Variants in SEMA6D observed in about 807,000 individuals in gnomAD.
The protein encoded by SEMA6D is semaphorin 6D, also known as semaphorin-6D.
Under a neutral mutation model 106.6 loss-of-function variants are expected in SEMA6D, and 35 were observed. That is an observed-to-expected ratio of 0.33 (90% confidence interval 0.25 to 0.44). The LOEUF (loss-of-function observed/expected upper bound fraction) is 0.44, where lower values mean the gene tolerates loss of function less well. Ranked by LOEUF, SEMA6D falls within the 20% of genes least tolerant of loss-of-function variation. The pLI, the probability that SEMA6D is intolerant of heterozygous loss-of-function variation, is 1.00. For missense variants in SEMA6D, 1,185 were observed against 1,345.9 expected (o/e 0.88, Z 1.87); for synonymous variants, 499 against 487.7 (o/e 1.02, Z -0.31).
intron 1 of SEMA6D, among the ~76,000 whole-genome samples, chr15:47,391,310 T>C (rs2040022112): frequency 6.6e-6 from 1 of 152,190 alleles, no homozygotes; most frequent in Non-Finnish European, 1.5e-5. Flanking sequence ...GAACTCTTTC[T>C]TGGGATGGAA....
chr15:47,436,406 A>G (rs1477415948), intron 2 of SEMA6D, among the ~76,000 whole-genome samples: 1 of 151,602 alleles, frequency 6.6e-6, no homozygotes, highest in Admixed American at 6.6e-5. Context: ...AAAAAAAAAG[A>G]AAAAAGACTT....
chr15:47,734,069 G>T (rs755059591), intron 1 of SEMA6D, among the ~76,000 whole-genome samples: 2 of 152,156 alleles, frequency 1.3e-5, no homozygotes, highest in Non-Finnish European at 2.9e-5. Flanking sequence ...GGGTGGGAAG[G>T]TTTATCATGT....
intron 1 of SEMA6D, among the ~76,000 whole-genome samples, chr15:47,294,326 C>T (rs1016074702): frequency 6.6e-6 from 1 of 151,900 alleles, no homozygotes; most frequent in East Asian, 1.9e-4. Flanking sequence ...CAGGTTCAAG[C>T]GATTCTCCTG....
chr15:47,392,597 C>T (rs2040076022), intron 1 of SEMA6D, among the ~76,000 whole-genome samples: 2 of 152,174 alleles, frequency 1.3e-5, no homozygotes, highest in Admixed American at 6.5e-5. Flanking sequence ...CTCTATCCCC[C>T]AGAACCTCCA....
At chr15:47,191,103 G>A (rs892062838) in intron 1 of SEMA6D, among the ~76,000 whole-genome samples, 8 of 152,066 alleles carry the variant, frequency 5.3e-5, no homozygotes, top group African/African-American at 1.9e-4. Context: ...AGGCCTGGGA[G>A]CTTGAGGCTG....
At position 47,645,103 on chromosome 15, in the gene SEMA6D, C is replaced by T. The variant is rs1456130361; in HGVS notation, c.-55+44207C>T. 2.0e-5 allele frequency among the ~76,000 whole-genome samples: 3 copies of T among 152,242 alleles called. No individual in the cohort carries two copies. In the East Asian group the frequency reaches 5.8e-4, roughly 29 times the overall value. ...GAAAGAGAGCATGTGGGTGCCGGGG[C>T]GTCATCTGAGAGTTGGTTGGGCTCC... On this transcript the variant is annotated intron_variant, in intron 4 of 19. Transcript: ENST00000558014.
rs887988533 is a variant in SEMA6D, at chr15:47,669,851, C to T, written c.-55+68955C>T. 6.6e-5 allele frequency among the ~76,000 whole-genome samples: 10 copies of T among 152,212 alleles called. No homozygotes were observed. In the East Asian group the frequency reaches 7.7e-4, roughly 12 times the overall value. The stretch of plus-strand genomic sequence containing the variant: ...ACCTGGACTTGAAGCTGAAGTCTAA[C>T]GCTTAGCAGCTGTTACCAACCCATC... On this transcript the variant is annotated intron_variant, in intron 4 of 19. Coordinates refer to the SEMA6D transcript ENST00000558014.
intron 4 of SEMA6D, among the ~76,000 whole-genome samples, chr15:47,671,510 TG>T (rs1314213536): frequency 6.6e-6 from 1 of 152,096 alleles, no homozygotes; most frequent in East Asian, 1.9e-4. Flanking sequence ...TGATGACCAC[TG>T]GGAATAAATC....
intron 1 of SEMA6D, among the ~76,000 whole-genome samples, chr15:47,358,026 T>A (rs1479822037): frequency 6.6e-6 from 1 of 152,198 alleles, no homozygotes. Context: ...TTGAAAAAAA[T>A]CTCCATATTT....
chr15:47,754,611 CTT>C (rs1228260648), intron 1 of SEMA6D, among the ~76,000 whole-genome samples: 1 of 152,068 alleles, frequency 6.6e-6, no homozygotes, highest in African/African-American at 2.4e-5. Flanking sequence ...ATGTGTCTAA[CTT>C]TATTTCCTTG....
At chr15:47,329,903 A>G (rs17287601) in intron 1 of SEMA6D, among the ~76,000 whole-genome samples, 1,692 of 152,326 alleles carry the variant, frequency 0.011, 13 homozygotes, top group Non-Finnish European at 0.014. Context: ...TAAAGATGCT[A>G]TCTAAGAACT....
rs190381693 is a variant in SEMA6D at position 47,408,203 on chromosome 15, G to A, written c.-238-4190G>A. ...CATCCTCAGACAGGCCTGGGATTGAGCCCCGTCTCTGCCAGCTACAACTTG... is the reference window on the plus strand; with the variant it reads ...CATCCTCAGACAGGCCTGGGATTGAACCCCGTCTCTGCCAGCTACAACTTG... On this transcript the variant is annotated intron_variant, in intron 1 of 19. Coordinates refer to the SEMA6D transcript ENST00000558014. 5.9e-5 allele frequency among the ~76,000 whole-genome samples: 9 copies of A among 152,254 alleles called. No homozygotes were observed. In the East Asian group the frequency reaches 1.7e-3, roughly 29 times the overall value.
chr15:47,263,322 A>C (rs539927838), intron 1 of SEMA6D, among the ~76,000 whole-genome samples: 1 of 152,200 alleles, frequency 6.6e-6, no homozygotes, highest in Non-Finnish European at 1.5e-5. Context: ...AATATCCTGC[A>C]TCTATAAGGA....
intron 4 of SEMA6D, among the ~76,000 whole-genome samples, chr15:47,650,613 T>C (rs1455774260): frequency 1.3e-5 from 2 of 152,176 alleles, no homozygotes; most frequent in Non-Finnish European, 2.9e-5. Flanking sequence ...AATCTCACGT[T>C]TATTAACTCA....
intron 1 of SEMA6D, among the ~76,000 whole-genome samples, chr15:47,186,837 A>C (rs921532190): frequency 6.6e-6 from 1 of 152,186 alleles, no homozygotes; most frequent in African/African-American, 2.4e-5. Context: ...ATTCTTACCC[A>C]GATTGATTAC....
At chr15:47,566,777 C>G (rs557337132) in intron 3 of SEMA6D, among the ~76,000 whole-genome samples, 1 of 152,176 alleles carries the variant, frequency 6.6e-6, no homozygotes, top group African/African-American at 2.4e-5. Flanking sequence ...AATGAGCTAA[C>G]GGATGGAAAG....
chr15:47,436,407 A>G (rs546276672), intron 2 of SEMA6D, among the ~76,000 whole-genome samples: 13 of 151,786 alleles, frequency 8.6e-5, no homozygotes, highest in African/African-American at 1.9e-4. Context: ...AAAAAAAAGA[A>G]AAAAGACTTT....
chr15:47,367,686 GCGCGCGCACACACACA>G (rs1483817449), intron 1 of SEMA6D, among the ~76,000 whole-genome samples: 27 of 42,118 alleles, frequency 6.4e-4, no homozygotes, highest in African/African-American at 2.1e-3. Flanking sequence ...ACACGCGCGC[GCGCGCGCACACACACA>G]CACACACACA....
At chr15:47,558,128 A>G (rs906147487) in intron 3 of SEMA6D, among the ~76,000 whole-genome samples, 1 of 152,120 alleles carries the variant, frequency 6.6e-6, no homozygotes, top group African/African-American at 2.4e-5. Flanking sequence ...AAAAGGTACA[A>G]TCGTGGTAGA....
Sources: gnomAD v4.1 joint callset for allele counts (sites outside exome capture counted in the v4.1 genomes callset) on GRCh38, gnomAD v4.1.1 for gene constraint, MANE v1.5 for transcripts, NCBI Gene and HGNC (gene_info 2026-07-23, HGNC 2026-07-21) for gene names.